The following PCDHGB1 variants were observed in gnomAD, a reference collection of about 807,000 sequenced individuals.
PCDHGB1 encodes protocadherin gamma-B1.
A neutral mutation model predicts 56.6 loss-of-function variants in PCDHGB1; 34 were observed. The ratio of observed to expected loss-of-function variants is 0.60; its 90% confidence interval spans 0.46 to 0.80. PCDHGB1 has a LOEUF of 0.80. PCDHGB1 is among the 30% of genes least tolerant of loss of function. The pLI, the probability that PCDHGB1 is intolerant of heterozygous loss-of-function variation, is 0.00. For missense variants in PCDHGB1, 1,278 were observed against 1,204.6 expected, an observed-to-expected ratio of 1.06 and a Z score of -0.90; for synonymous variants, 561 against 505.9, an observed-to-expected ratio of 1.11 and a Z score of -1.46.
intron 1 of PCDHGB1, chr5:141,375,003 TA>T: frequency 6.2e-7 from 1 of 1,614,054 alleles, no homozygotes; most frequent in Non-Finnish European, 8.5e-7. Flanking sequence ...TCTGCAAATC[TA>T]GACTATGAGG....
At chr5:141,422,142 G>T in intron 1 of PCDHGB1, 1 of 1,583,694 alleles carries the variant, frequency 6.3e-7, no homozygotes, top group Non-Finnish European at 8.5e-7. Flanking sequence ...TTCAAGTACG[G>T]GGGTCTCTGG....
chr5:141,432,126 C>T lies in PCDHGB1; in HGVS notation c.2410-62681C>T. ...AACCCGCCGGTCTTCCCTCAGGCCTCCTATTCCGCTTATATCCCAGAGAAC... is the reference window on the plus strand; with the variant it reads ...AACCCGCCGGTCTTCCCTCAGGCCTTCTATTCCGCTTATATCCCAGAGAAC... On this transcript the variant is annotated intron_variant, in intron 1 of 3. Coordinates refer to ENST00000523390, the MANE Select transcript of PCDHGB1 (RefSeq NM_018922.3). This position sits in a 1 kb window ranked among gnomAD's most constrained non-coding sequence, Gnocchi z 6.0. The T allele has an allele frequency of 1.2e-6, 2 of 1,614,144 alleles. No homozygotes were observed. Among genetic ancestry groups the T allele is most frequent in the Non-Finnish European group, 1.7e-6 (2 of 1,180,028 alleles).
chr5:141,383,977 A>G (rs1187887484), intron 1 of PCDHGB1: 1 of 1,613,786 alleles, frequency 6.2e-7, no homozygotes, highest in Non-Finnish European at 8.5e-7. Flanking sequence ...CCCTGAAGAC[A>G]CACCTCTTGG....
At chr5:141,352,821 C>T (rs1759119278) in intron 1 of PCDHGB1, 152 bp downstream of exon 1, 9 of 796,944 alleles carry the variant, frequency 1.1e-5, no homozygotes, top group Non-Finnish European at 1.6e-5. Context: ...AAAACCCGGT[C>T]TACTAAAATT....
intron 1 of PCDHGB1, chr5:141,442,166 A>G (rs2098306007): frequency 6.4e-6 from 1 of 156,354 alleles, no homozygotes; most frequent in Non-Finnish European, 1.4e-5. Flanking sequence ...TCACTCTGCA[A>G]AGCTACAGCC....
intron 1 of PCDHGB1, chr5:141,371,929 G>A: frequency 6.2e-7 from 1 of 1,613,366 alleles, no homozygotes; most frequent in South Asian, 1.1e-5. Flanking sequence ...GCGCGGAGCG[G>A]GGTGGTGTTC....
chr5:141,474,626 G>A (rs1006911535), intron 1 of PCDHGB1, among the ~76,000 whole-genome samples: 5 of 152,288 alleles, frequency 3.3e-5, no homozygotes, highest in African/African-American at 9.6e-5. Flanking sequence ...CATCTCTTCC[G>A]GAAATATCCT....
rs774894885 is a variant in PCDHGB1, at chr5:141,351,730, T to C, written c.1470T>C (p.Ser490=). 6.2e-7 allele frequency: 1 copy of C among 1,613,666 alleles called. No individual in the cohort carries two copies. The highest frequency in any genetic ancestry group is 2.2e-5 in the East Asian group (1 of 44,874). Residue 490 remains serine, a synonymous_variant, in exon 1 of 4, where the codon AGT becomes AGC. Coordinates refer to ENST00000523390, the MANE Select transcript of PCDHGB1 (RefSeq NM_018922.3). ...GAGTCTCCTACTCTATTCTGGCCAG[T>C]GACCTGGAGCCGCGGGAGCTGTTGT... is the stretch of plus-strand genomic sequence containing the variant. The part of the protein sequence containing the change: ...NGRVSYSILA[S]DLEPRELLSY...
intron 1 of PCDHGB1, chr5:141,419,377 C>T: frequency 6.2e-6 from 10 of 1,613,690 alleles, no homozygotes; most frequent in Admixed American, 3.3e-5. Flanking sequence ...CCTACGTGTC[C>T]GTGAGCGCGC....
At chr5:141,464,278 G>GAAAA (rs2099080310) in intron 1 of PCDHGB1, among the ~76,000 whole-genome samples, 1 of 121,594 alleles carries the variant, frequency 8.2e-6, no homozygotes. Context: ...AAAAAAAAAA[G>GAAAA]CAAAAAAAAA....
At chr5:141,481,356 T>A (rs1214829594) in intron 1 of PCDHGB1, among the ~76,000 whole-genome samples, 1 of 152,260 alleles carries the variant, frequency 6.6e-6, no homozygotes, top group East Asian at 1.9e-4. Context: ...CATCTACAGC[T>A]GTTCAATAGA....
Position 141,476,209 on chromosome 5 carries a change from G to T in PCDHGB1, c.2410-18598G>T, listed in dbSNP as rs749576231. On this transcript the variant is annotated intron_variant, in intron 1 of 3. Coordinates refer to ENST00000523390, the MANE Select transcript of PCDHGB1 (RefSeq NM_018922.3). The surrounding 1 kb of genome is among the most constrained non-coding windows in gnomAD (Gnocchi z 7.6). ...TTGGTGCCTTGAACAAGGCTTCCAC[G>T]GTCATTCACTATGAGATCCCGGAGG... The T allele has an allele frequency of 6.2e-6, 10 of 1,613,974 alleles. No individual in the cohort carries two copies. Among genetic ancestry groups the T allele is most frequent in the Non-Finnish European group, 8.5e-6 (10 of 1,180,026 alleles).
At chr5:141,438,633 TATAC>T (rs1373299550) in intron 1 of PCDHGB1, among the ~76,000 whole-genome samples, 3,683 of 33,472 alleles carry the variant, frequency 0.11, 56 homozygotes, top group Non-Finnish European at 0.14. Flanking sequence ...TATATATATA[TATAC>T]ACACACACAC....
In PCDHGB1 at chr5:141,489,633, T is replaced by C. The variant is rs1298084961; in HGVS notation, c.2410-5174T>C. On this transcript the variant is annotated intron_variant, in intron 1 of 3. Coordinates refer to ENST00000523390, the MANE Select transcript of PCDHGB1 (RefSeq NM_018922.3). The surrounding 1 kb of genome is among the most constrained non-coding windows in gnomAD (Gnocchi z 4.5). ...TCCTGGATCTCAATGACAACTCTCC[T>C]AGCTTTGCCACCCCTGAGCGAGAGA... The C allele has an allele frequency of 6.2e-7, 1 of 1,614,160 alleles. No individual in the cohort carries two copies. Among genetic ancestry groups the C allele is most frequent in the South Asian group, 1.1e-5 (1 of 91,086 alleles).
intron 2 of PCDHGB1, among the ~76,000 whole-genome samples, chr5:141,503,203 A>G (rs10477147): frequency 0.037 from 5,590 of 152,130 alleles, 132 homozygotes; most frequent in South Asian, 0.073. Flanking sequence ...TCAGCCTCTC[A>G]GTGCCCACCA....
Position 141,490,798 on chromosome 5 carries a change from C to A in PCDHGB1, c.2410-4009C>A. 2 of 1,613,926 alleles carry A rather than the reference C, an allele frequency of 1.2e-6. No individual in the cohort carries two copies. Among genetic ancestry groups the A allele is most frequent in the South Asian group, 2.2e-5 (2 of 91,074 alleles). ...AGAGGATGGACGGATCTTTGCCCAG[C>A]GTACCTTTGACTATGAATTGCTGCA... On this transcript the variant is annotated intron_variant, in intron 1 of 3. Transcript: ENST00000523390. This position sits in a 1 kb window ranked among gnomAD's most constrained non-coding sequence, Gnocchi z 5.4.
chr5:141,371,752 AC>A (rs1278414887), intron 1 of PCDHGB1: 1 of 1,613,888 alleles, frequency 6.2e-7, no homozygotes, highest in Non-Finnish European at 8.5e-7. Flanking sequence ...CCCGTTTTCC[AC>A]CAGGCCTCCT....
In PCDHGB1 at chr5:141,476,659, G is replaced by A; in HGVS notation, c.2410-18148G>A. On this transcript the variant is annotated intron_variant, in intron 1 of 3. Coordinates refer to ENST00000523390, the MANE Select transcript of PCDHGB1 (RefSeq NM_018922.3). The surrounding 1 kb of genome is among the most constrained non-coding windows in gnomAD (Gnocchi z 7.6). ...AGCTGAGCCGAAATGAATACTTTGC[G>A]CTTCGCGTGCAGACGCGGGAGGACA... 2 of 1,614,252 alleles carry A rather than the reference G, an allele frequency of 1.2e-6. No homozygotes were observed. Among genetic ancestry groups the A allele is most frequent in the Non-Finnish European group, 8.5e-7 (1 of 1,180,048 alleles).
chr5:141,424,076 A>C, intron 1 of PCDHGB1: 2 of 979,452 alleles, frequency 2.0e-6, no homozygotes, highest in Non-Finnish European at 2.5e-6. Flanking sequence ...TTGTAGTTAT[A>C]TTCCACCATT....
Sources: gnomAD v4.1 joint callset for allele counts (sites outside exome capture counted in the v4.1 genomes callset) on GRCh38, gnomAD v4.1.1 for gene constraint, Gnocchi (gnomAD v3.1) non-coding constraint, MANE v1.5 for transcripts, NCBI Gene and HGNC (gene_info 2026-07-23, HGNC 2026-07-21) for gene names.